MARCHF2: variants seen among roughly 807,000 people sequenced by gnomAD.
The protein encoded by MARCHF2 is E3 ubiquitin-protein ligase MARCHF2.
A neutral mutation model predicts 24.0 loss-of-function variants in MARCHF2; 22 were observed. That is an observed-to-expected ratio of 0.92 (90% CI 0.66 to 1.31). MARCHF2 has a LOEUF of 1.31. Ranked by LOEUF, MARCHF2 falls within the 50% of genes most tolerant of loss-of-function variation. MARCHF2 has a pLI of 0.00. For missense variants in MARCHF2, 301 were observed against 335.3 expected (o/e 0.90, Z 0.80); for synonymous variants, 154 against 153.0 (o/e 1.01, Z -0.05).
chr19:8,423,202 GC>G (rs1022144766), intron 2 of MARCHF2, among the ~76,000 whole-genome samples: 2 of 150,264 alleles, frequency 1.3e-5, no homozygotes, highest in Admixed American at 6.7e-5. Context: ...TAGGATTACA[GC>G]CCCCCCGCCC....
At chr19:8,415,635 C>T (rs1264071385) in intron 1 of MARCHF2, among the ~76,000 whole-genome samples, 2 of 144,314 alleles carry the variant, frequency 1.4e-5, no homozygotes, top group Non-Finnish European at 3.0e-5. Flanking sequence ...GCAGGAGAAT[C>T]GCTTGAACCT....
chr19:8,423,934 C>T (rs1161593362), intron 2 of MARCHF2, among the ~76,000 whole-genome samples: 4 of 144,388 alleles, frequency 2.8e-5, no homozygotes, highest in South Asian at 2.1e-4. Flanking sequence ...CTAGGGAGTC[C>T]GAGGCTGCAG....
intron 2 of MARCHF2, among the ~76,000 whole-genome samples, chr19:8,424,549 C>G (rs1415977545): frequency 1.3e-5 from 2 of 152,014 alleles, no homozygotes; most frequent in Non-Finnish European, 2.9e-5. Context: ...CGCCTGTAGT[C>G]CTAGCTACTC....
intron 2 of MARCHF2, among the ~76,000 whole-genome samples, chr19:8,426,147 C>T (rs899206261): frequency 6.9e-6 from 1 of 144,982 alleles, no homozygotes; most frequent in East Asian, 2.1e-4. Flanking sequence ...GGGAGAATGG[C>T]GTGAACCCGG....
At chr19:8,418,212 T>C (rs1967135760) in intron 1 of MARCHF2, among the ~76,000 whole-genome samples, 1 of 152,216 alleles carries the variant, frequency 6.6e-6, no homozygotes, top group South Asian at 2.1e-4. Context: ...TTGCAGGGAC[T>C]TGGGAGGGAG....
At chr19:8,417,629 G>A (rs1967116149) in intron 1 of MARCHF2, among the ~76,000 whole-genome samples, 1 of 152,026 alleles carries the variant, frequency 6.6e-6, no homozygotes, top group Admixed American at 6.6e-5. Flanking sequence ...GTAGAGATGG[G>A]GTTTTGCCAT....
At chr19:8,435,990 C>G (rs1967709785) in intron 4 of MARCHF2, among the ~76,000 whole-genome samples, 1 of 151,988 alleles carries the variant, frequency 6.6e-6, no homozygotes, top group Admixed American at 6.6e-5. Flanking sequence ...TCCTGAGTAG[C>G]TAGTATTACA....
At chr19:8,431,516 A>AC (rs1380322263) in intron 4 of MARCHF2, among the ~76,000 whole-genome samples, 2 of 149,204 alleles carry the variant, frequency 1.3e-5, no homozygotes, top group East Asian at 3.9e-4. Flanking sequence ...AAAAAAAAAA[A>AC]AAAGGAAAAA....
At chr19:8,429,145 G>A (rs1967505293) in intron 3 of MARCHF2, among the ~76,000 whole-genome samples, 1 of 143,150 alleles carries the variant, frequency 7.0e-6, no homozygotes. Flanking sequence ...CGCCCCTGCA[G>A]CCTAGAGCCC....
chr19:8,427,166 G>T (rs372489107), intron 3 of MARCHF2, among the ~76,000 whole-genome samples: 5 of 152,162 alleles, frequency 3.3e-5, no homozygotes, highest in Middle Eastern at 6.8e-3. Context: ...TTCTGCTTCA[G>T]CCTCCCAAGT....
intron 4 of MARCHF2, among the ~76,000 whole-genome samples, chr19:8,437,081 A>G (rs1967745811): frequency 1.3e-5 from 2 of 151,028 alleles, no homozygotes; most frequent in Admixed American, 1.3e-4. Flanking sequence ...CAGGGCTCAA[A>G]TGATTCTCCT....
chr19:8,415,730 AAAAAC>A (rs1308296345), intron 1 of MARCHF2, among the ~76,000 whole-genome samples: 2 of 90,592 alleles, frequency 2.2e-5, no homozygotes, highest in Non-Finnish European at 4.7e-5. Context: ...TCAAAAAAAA[AAAAAC>A]AAAAAAAACA....
intron 1 of MARCHF2, among the ~76,000 whole-genome samples, chr19:8,417,890 G>A (rs1474532804): frequency 6.7e-6 from 1 of 149,730 alleles, no homozygotes; most frequent in East Asian, 2.0e-4. Context: ...AGCCTCCCGA[G>A]TAGCTGGGAT....
chr19:8,417,107 C>A (rs1395578230), intron 1 of MARCHF2, among the ~76,000 whole-genome samples: 1 of 151,600 alleles, frequency 6.6e-6, no homozygotes, highest in Non-Finnish European at 1.5e-5. Context: ...ACACCACATG[C>A]AGGAGCTGGG....
rs764344426 is a variant in MARCHF2 at position 8,438,512 on chromosome 19, T to C, written c.707T>C (p.Leu236Pro). 1 of 1,614,096 alleles carries C rather than the reference T, an allele frequency of 6.2e-7. No individual in the cohort carries two copies. The highest frequency in any genetic ancestry group is 1.7e-5 in the Admixed American group (1 of 59,986). The change falls in exon 5 of 5, where the codon CTC (leucine) becomes CCC (proline). Residue 236 changes from leucine (L) to proline (P), a missense_variant. Physicochemically the swap from Leu to Pro is moderately conservative, Grantham distance 98 (BLOSUM62 -3). Transcript: ENST00000215555. The stretch of plus-strand genomic sequence containing the variant: ...CAGCATTCTCCACTGGCAGCTGGAC[T>C]CCTGAAGAAGGTGGCAGAGGAGACA... ...GPQHSPLAAGLLKKVAEETPV is the reference protein window; with the variant it reads ...GPQHSPLAAGPLKKVAEETPV
At chr19:8,438,240 A>C (rs981750162) in intron 4 of MARCHF2, 148 bp from the exon 5 acceptor site, 3 of 783,760 alleles carry the variant, frequency 3.8e-6, no homozygotes, top group Non-Finnish European at 6.3e-6. Context: ...GTGTGTGTGC[A>C]CTTTGTGGGA....
At chr19:8,424,881 T>A (rs1174957300) in intron 2 of MARCHF2, among the ~76,000 whole-genome samples, 1 of 152,116 alleles carries the variant, frequency 6.6e-6, no homozygotes, top group Non-Finnish European at 1.5e-5. Context: ...CCTGAGTTGG[T>A]TGCATGAGCA....
At position 8,438,860 on chromosome 19, in the gene MARCHF2, C is replaced by A. The variant is rs947438674; in HGVS notation, c.*314C>A. 1.6e-4 allele frequency: 39 copies of A among 247,512 alleles called. No homozygotes were observed. The highest frequency in any genetic ancestry group is 2.8e-4 in the Non-Finnish European group (36 of 127,722). 15.3% of individuals were successfully genotyped at this position (247,512 alleles called of 1,614,324 possible). A position where few individuals can be genotyped will look rare whatever the true frequency, so the allele number is the denominator to read the frequency against. ...GGGCCAGCAGCTGTGGCCGGTGTAT[C>A]AAGGGCGCCCTTAAAGCTGGAACAT... is the stretch of plus-strand genomic sequence containing the variant. On this transcript the variant is annotated 3_prime_UTR_variant, in exon 5 of 5. Coordinates refer to ENST00000215555, the MANE Select transcript of MARCHF2 (RefSeq NM_001005415.2).
At chr19:8,425,158 G>A (rs529679250) in intron 2 of MARCHF2, among the ~76,000 whole-genome samples, 2 of 152,022 alleles carry the variant, frequency 1.3e-5, no homozygotes. Flanking sequence ...GGCAGATCAC[G>A]AGGTCAGGAG....
Sources: allele counts gnomAD v4.1 joint callset (sites outside exome capture counted in the v4.1 genomes callset), GRCh38; gene constraint gnomAD v4.1.1; transcripts MANE v1.5; gene names NCBI Gene and HGNC (gene_info 2026-07-23, HGNC 2026-07-21).